Variants in TMPRSS15 observed in about 807,000 individuals in gnomAD.
The protein encoded by TMPRSS15 is transmembrane serine protease 15.
In TMPRSS15, 128 loss-of-function variants were observed where a neutral mutation model predicts 125.3. That is an observed-to-expected ratio of 1.02 (90% confidence interval 0.89 to 1.18). The LOEUF (loss-of-function observed/expected upper bound fraction) is 1.18. Ranked by LOEUF, TMPRSS15 falls within the 50% of genes most tolerant of loss-of-function variation. The pLI is 0.00. For synonymous variants in TMPRSS15, 446 were observed against 423.2 expected, an observed-to-expected ratio of 1.05 and a Z score of -0.66; for missense variants, 1,283 against 1,212.7, an observed-to-expected ratio of 1.06 and a Z score of -0.86.
At chr21:18,353,519 AATTGGTT>A (rs2075593031) in intron 9 of TMPRSS15, among the ~76,000 whole-genome samples, 197 bp downstream of exon 9, 1 of 151,956 alleles carries the variant, frequency 6.6e-6, no homozygotes, top group South Asian at 2.1e-4. Context: ...AGTTTTCTCA[AATTGGTT>A]ATTTGATTCC....
At position 18,313,008 on chromosome 21, in the gene TMPRSS15, G is replaced by A. The variant is rs760186415; in HGVS notation, c.2102C>T (p.Thr701Ile). Residue 701 changes from threonine to isoleucine, a missense_variant, in exon 18 of 25, where the codon ACA (threonine) becomes ATA (isoleucine). By Grantham distance (89) the Thr-to-Ile change is moderately conservative (BLOSUM62 -1). Coordinates refer to ENST00000284885, the MANE Select transcript of TMPRSS15 (RefSeq NM_002772.3). ...GGTGGTCCAGTTCTCAGCACAAGCTGTATGCCATATGCTCTGGATTCTGAA... is the reference window on the plus strand; with the variant it reads ...GGTGGTCCAGTTCTCAGCACAAGCTATATGCCATATGCTCTGGATTCTGAA... ...VRFRIQSIWH[T>I]ACAENWTTQI... The A allele has an allele frequency of 5.4e-5, 87 of 1,613,936 alleles. No individual in the cohort carries two copies. The highest frequency in any genetic ancestry group is 5.8e-5 in the Non-Finnish European group (69 of 1,179,964).
At chr21:18,402,903 C>G (rs2824808) in intron 1 of TMPRSS15, among the ~76,000 whole-genome samples, 1 of 151,970 alleles carries the variant, frequency 6.6e-6, no homozygotes, top group African/African-American at 2.4e-5. Context: ...TTAGCTCTAA[C>G]TAAGAGTTAT....
At chr21:18,419,384 C>G (rs1173877962) in intron 1 of TMPRSS15, among the ~76,000 whole-genome samples, 2 of 151,974 alleles carry the variant, frequency 1.3e-5, no homozygotes, top group Non-Finnish European at 2.9e-5. Flanking sequence ...CGCCACCACG[C>G]CCAGCTAATT....
intron 16 of TMPRSS15, among the ~76,000 whole-genome samples, chr21:18,318,709 G>A (rs2075201022): frequency 6.6e-6 from 1 of 152,160 alleles, no homozygotes; most frequent in South Asian, 2.1e-4. Context: ...AGATCTGCCT[G>A]AAATATTCAG....
chr21:18,401,339 T>A (rs1647145314), intron 1 of TMPRSS15, among the ~76,000 whole-genome samples: 1 of 152,112 alleles, frequency 6.6e-6, no homozygotes, highest in South Asian at 2.1e-4. Context: ...TAGGTGCCCA[T>A]CAACGGTGTA....
intron 1 of TMPRSS15, among the ~76,000 whole-genome samples, chr21:18,451,119 G>A (rs1413901613): frequency 6.6e-6 from 1 of 151,744 alleles, no homozygotes; most frequent in Non-Finnish European, 1.5e-5. Flanking sequence ...CAGATGTGGT[G>A]TTTTGTTAAG....
chr21:18,368,243 G>A (rs1254906019), intron 6 of TMPRSS15, among the ~76,000 whole-genome samples: 1 of 152,164 alleles, frequency 6.6e-6, no homozygotes, highest in Non-Finnish European at 1.5e-5. Flanking sequence ...GCTTTGCGCT[G>A]CACAATGTGA....
At chr21:18,413,503 C>T (rs2076172691) in intron 1 of TMPRSS15, among the ~76,000 whole-genome samples, 1 of 150,694 alleles carries the variant, frequency 6.6e-6, no homozygotes, top group African/African-American at 2.4e-5. Context: ...CTGCTACCTC[C>T]ACCTTCCAGG....
At chr21:18,311,591 T>TACTGGTGAAGAC (rs1283042819) in intron 18 of TMPRSS15, among the ~76,000 whole-genome samples, 4 of 152,108 alleles carry the variant, frequency 2.6e-5, no homozygotes, top group African/African-American at 9.7e-5. Context: ...CAGTAAGGGA[T>TACTGGTGAAGAC]ACTGGTGAAG....
intron 1 of TMPRSS15, among the ~76,000 whole-genome samples, chr21:18,425,242 G>C (rs2076200243): frequency 6.6e-6 from 1 of 152,028 alleles, no homozygotes; most frequent in Non-Finnish European, 1.5e-5. Flanking sequence ...ACATTGATTA[G>C]CTATTAATGT....
intron 3 of TMPRSS15, among the ~76,000 whole-genome samples, chr21:18,387,651 G>T (rs1050120387): frequency 1.1e-5 from 1 of 95,112 alleles, no homozygotes; most frequent in Non-Finnish European, 2.2e-5. Context: ...ACACACACAC[G>T]CACACACACC....
At chr21:18,351,170 G>C (rs967306686) in intron 10 of TMPRSS15, among the ~76,000 whole-genome samples, 40 of 151,940 alleles carry the variant, frequency 2.6e-4, no homozygotes, top group African/African-American at 9.7e-4. Context: ...CTTAAAATCA[G>C]GAATATTAAT....
At chr21:18,360,764 T>C (rs2075672705) in intron 7 of TMPRSS15, among the ~76,000 whole-genome samples, 1 of 152,136 alleles carries the variant, frequency 6.6e-6, no homozygotes, top group Non-Finnish European at 1.5e-5. Flanking sequence ...CTATTCAGGT[T>C]TTGTTGTGAT....
At chr21:18,405,946 A>G (rs2076150536), upstream of TMPRSS15, among the ~76,000 whole-genome samples, 1 of 152,248 alleles carries the variant, frequency 6.6e-6, no homozygotes, top group African/African-American at 2.4e-5. Context: ...TATCTAAAAA[A>G]TAAAACCCTA....
chr21:18,312,794 G>A, intron 18 of TMPRSS15, 151 bp downstream of exon 18: 3 of 959,860 alleles, frequency 3.1e-6, no homozygotes, highest in South Asian at 1.6e-5. Context: ...TTGAAAATGG[G>A]GTTAATCAAG....
At chr21:18,315,301 A>C in intron 16 of TMPRSS15, 45 bp from the exon 17 acceptor site, 2 of 1,494,184 alleles carry the variant, frequency 1.3e-6, no homozygotes, top group Non-Finnish European at 1.9e-6. Context: ...GAAAACACAA[A>C]TGGATGATTC....
intron 21 of TMPRSS15, among the ~76,000 whole-genome samples, chr21:18,282,183 C>T (rs2074709543): frequency 1.3e-5 from 2 of 151,128 alleles, no homozygotes; most frequent in African/African-American, 2.4e-5. Flanking sequence ...TGAATAATCT[C>T]CATATACAAT....
intron 5 of TMPRSS15, among the ~76,000 whole-genome samples, chr21:18,377,904 T>A (rs2075859069): frequency 1.3e-5 from 2 of 152,164 alleles, no homozygotes; most frequent in Admixed American, 1.3e-4. Context: ...TTCTTTATAC[T>A]TTTAACAGGT....
intron 1 of TMPRSS15, among the ~76,000 whole-genome samples, chr21:18,413,309 T>TTC (rs2076171468): frequency 4.9e-5 from 5 of 102,800 alleles, no homozygotes; most frequent in Admixed American, 1.1e-4. Context: ...TTCTTTTCTT[T>TTC]CTTTTCCTTC....
Sources: allele counts gnomAD v4.1 joint callset (sites outside exome capture counted in the v4.1 genomes callset), GRCh38; gene constraint gnomAD v4.1.1; transcripts MANE v1.5; gene names NCBI Gene and HGNC (gene_info 2026-07-23, HGNC 2026-07-21).